APC2: variants seen among roughly 807,000 people sequenced by gnomAD.
APC2 encodes the protein adenomatous polyposis coli protein 2.
APC2 carries 41 observed loss-of-function variants against 72.5 expected under a neutral mutation model. The observed-to-expected ratio is 0.57, with a 90% CI of 0.44 to 0.73. The LOEUF is 0.73. APC2 is among the 30% of genes least tolerant of loss of function. The pLI, the probability that APC2 is intolerant of heterozygous loss-of-function variation, is 0.00. For synonymous variants in APC2, 1,898 were observed against 1,612.0 expected, an observed-to-expected ratio of 1.18 and a Z score of -4.25; for missense variants, 3,729 against 3,403.4, an observed-to-expected ratio of 1.10 and a Z score of -2.38.
intron 4 of APC2, 153 bp downstream of exon 4, chr19:1,453,764 G>A (rs997547508): frequency 7.3e-6 from 8 of 1,103,024 alleles, no homozygotes; most frequent in Admixed American, 5.0e-5. Flanking sequence ...GAACAACCCC[G>A]CCCACCTCGG....
chr19:1,466,682 G>T lies in APC2; in HGVS notation c.3381G>T (p.Pro1127=). 1 of 1,509,878 alleles carries T rather than the reference G, an allele frequency of 6.6e-7. No individual in the cohort carries two copies. Among genetic ancestry groups the T allele is most frequent in the African/African-American group, 1.4e-5 (1 of 72,818 alleles). 93.5% of individuals were successfully genotyped at this position (1,509,878 alleles called of 1,614,324 possible). Residue 1127 remains proline, a synonymous_variant, in exon 15 of 15, where the codon CCG becomes CCT. Coordinates refer to ENST00000590469, the MANE Select transcript of APC2 (RefSeq NM_005883.3). ...CCACCTCGCTGCCCGTAGCCATTCC[G>T]GCTCCCCGGCGTAACCGAGGCCGGG... ...PGATSLPVAI[P]APRRNRGRGL...
rs1198333714 is a variant in APC2 at position 1,465,776 on chromosome 19, C to A, written c.2475C>A (p.Gly825=). ...ALARTPPTRR[G]GKEAEKDTSG... is the part of the protein sequence containing the mutation. ...CTCGCACCCCGCCCACCCGCCGAGG[C>A]GGCAAGGAGGCAGAGAAGGACACCA... is the stretch of plus-strand genomic sequence containing the variant. The change falls in exon 15 of 15, where the codon GGC becomes GGA. Residue 825 remains glycine (G), a synonymous_variant. Transcript: ENST00000590469. 3 of 1,566,674 alleles carry A rather than the reference C, an allele frequency of 1.9e-6. No individual in the cohort carries two copies. The highest frequency in any genetic ancestry group is 2.6e-6 in the Non-Finnish European group (3 of 1,158,118).
chr19:1,469,255 C>G lies in APC2; in HGVS notation c.5954C>G (p.Ser1985Cys), dbSNP rs552073583. 7.0e-7 allele frequency: 1 copy of G among 1,427,666 alleles called. No homozygotes were observed. Among genetic ancestry groups the G allele is most frequent in the South Asian group, 1.3e-5 (1 of 77,366 alleles). The allele number at this position is 1,427,666 out of a possible 1,614,324, so 88.4% of individuals were successfully genotyped here. The change falls in exon 15 of 15, where the codon TCC becomes TGC. Residue 1985 changes from serine (S) to cysteine (C), a missense_variant. Physicochemically the swap from Ser to Cys is moderately radical, Grantham distance 112. Coordinates refer to ENST00000590469, the MANE Select transcript of APC2 (RefSeq NM_005883.3). ...TCAGCCCTCTCCAGCGGCAGCGAGTCCTCCGACCGCTCGGGCTTCCGGCGA... is the reference window on the plus strand; with the variant it reads ...TCAGCCCTCTCCAGCGGCAGCGAGTGCTCCGACCGCTCGGGCTTCCGGCGA... ...VASALSSGSE[S>C]SDRSGFRRQL...
chr19:1,457,898 G>GGGGGGGGGGGGGGA (rs1555675929), intron 9 of APC2, 67 bp from the exon 10 acceptor site: 2 of 1,432,504 alleles, frequency 1.4e-6, no homozygotes, highest in African/African-American at 3.2e-5. Context: ...CGGGTTGCGG[G>GGGGGGGGGGGGGGA]ACCTTCGGGA....
At chr19:1,458,107 AGGT>A in intron 10 of APC2, 47 bp downstream of exon 10, 2 of 1,511,136 alleles carry the variant, frequency 1.3e-6, no homozygotes, top group Non-Finnish European at 1.8e-6. Context: ...GCCCCCGAAC[AGGT>A]GGTGGCTCCT....
chr19:1,454,849 G>A (rs938417879), intron 4 of APC2, among the ~76,000 whole-genome samples: 2 of 152,106 alleles, frequency 1.3e-5, no homozygotes, highest in Non-Finnish European at 2.9e-5. Flanking sequence ...TTACAGGCGT[G>A]AGCCACCGCG....
Position 1,468,986 on chromosome 19 carries a change from G to A in APC2, c.5685G>A (p.Gln1895=), listed in dbSNP as rs1159428661. The A allele has an allele frequency of 1.3e-6, 2 of 1,559,702 alleles. No homozygotes were observed. ...PLPRKRPPVT[Q]AAGALPGPGA... The stretch of plus-strand genomic sequence containing the variant: ...CCAGAAAGCGCCCCCCGGTCACCCA[G>A]GCTGCTGGGGCCCTGCCCGGCCCCG... Residue 1895 remains glutamine, a synonymous_variant, in exon 15 of 15, where the codon CAG becomes CAA. Coordinates refer to ENST00000590469, the MANE Select transcript of APC2 (RefSeq NM_005883.3).
rs773907425 is a variant in APC2 at position 1,466,181 on chromosome 19, G to T, written c.2880G>T (p.Gly960=). Residue 960 remains glycine (G), a synonymous_variant, in exon 15 of 15, where the codon GGG becomes GGT. Transcript: ENST00000590469. ...LASRREDPRC[G]QPRPSRLDLD... The stretch of plus-strand genomic sequence containing the variant: ...CGCGCCGCGAGGACCCCAGGTGTGG[G>T]CAGCCTCGGCCCAGCCGGCTTGACC... 1.7e-5 allele frequency: 26 copies of T among 1,561,516 alleles called. No individual in the cohort carries two copies. Among genetic ancestry groups the T allele is most frequent in the Non-Finnish European group, 2.0e-5 (23 of 1,164,466 alleles).
Position 1,465,321 on chromosome 19 carries a change from A to G in APC2, c.2020A>G (p.Asn674Asp). 2 of 1,595,122 alleles carry G rather than the reference A, an allele frequency of 1.3e-6. No homozygotes were observed. The highest frequency in any genetic ancestry group is 1.7e-6 in the Non-Finnish European group (2 of 1,176,364). ...CCTGGGCGCCGTGGGCATGCTGCGT[A>G]ATCTGGTGCACTCCAAGCACAAGAT... The part of the protein sequence containing the change: ...WDLGAVGMLR[N>D]LVHSKHKMIA... The change falls in exon 15 of 15, where the codon AAT (asparagine) becomes GAT (aspartate). Residue 674 changes from asparagine (N) to aspartate (D), a missense_variant. By Grantham distance (23) the Asn-to-Asp change is conservative. Transcript: ENST00000590469.
At position 1,472,092 on chromosome 19, in the gene APC2, C is replaced by CG. The variant is rs529177770; in HGVS notation, c.*1883dup. 3.4e-3 allele frequency: 516 copies of CG among 152,432 alleles called. 1 individual carries two copies. The highest frequency in any genetic ancestry group is 5.5e-3 in the Non-Finnish European group (375 of 68,178). 9.4% of individuals were successfully genotyped at this position (152,432 alleles called of 1,614,324 possible). A position where few individuals can be genotyped will look rare whatever the true frequency, so the allele number is the denominator to read the frequency against. ...GGGTCATGGATGGCTGAGCAGAGAG[C>CG]GGGGAAAATGCAGGCTGAGTGGGGC... On this transcript the variant is annotated 3_prime_UTR_variant, in exon 15 of 15. Transcript: ENST00000590469.
rs750136169 is a variant in APC2, at chr19:1,468,549, C to G, written c.5248C>G (p.Arg1750Gly). 46 of 1,597,912 alleles carry G rather than the reference C, an allele frequency of 2.9e-5. No homozygotes were observed. In the Admixed American group the frequency reaches 7.4e-4, roughly 26 times the overall value. ...QAEGEMGSAR[R>G]PEKRGAASVK... is the part of the protein sequence containing the mutation. ...GGAGGGAGAAATGGGCAGTGCCCGG[C>G]GGCCAGAGAAAAGGGGCGCAGCCTC... Residue 1750 changes from arginine to glycine, a missense_variant, in exon 15 of 15, where the codon CGG becomes GGG. Arg to Gly is a moderately radical substitution (Grantham distance 125, BLOSUM62 -2). Transcript: ENST00000590469.
Position 1,468,924 on chromosome 19 carries a change from A to G in APC2, c.5623A>G (p.Ser1875Gly), listed in dbSNP as rs2084079147. The change falls in exon 15 of 15, where the codon AGC becomes GGC. Residue 1875 changes from serine (S) to glycine (G), a missense_variant. Transcript: ENST00000590469. ...CCGCCTCGCCAAGACCCCCTCCTCC[A>G]GCTCCTCCCAGACCTCGCCCGCCTC... ...PARLAKTPSS[S>G]SSQTSPASQP... The G allele has an allele frequency of 6.6e-7, 1 of 1,514,794 alleles. No individual in the cohort carries two copies. The highest frequency in any genetic ancestry group is 2.5e-5 in the East Asian group (1 of 39,782). 93.8% of individuals were successfully genotyped at this position (1,514,794 alleles called of 1,614,324 possible).
Position 1,467,672 on chromosome 19 carries a change from C to A in APC2, c.4371C>A (p.Gly1457=). 2 of 1,479,212 alleles carry A rather than the reference C, an allele frequency of 1.4e-6. No individual in the cohort carries two copies. Among genetic ancestry groups the A allele is most frequent in the South Asian group, 2.6e-5 (2 of 75,996 alleles). 91.6% of individuals were successfully genotyped at this position (1,479,212 alleles called of 1,614,324 possible). The change falls in exon 15 of 15, where the codon GGC becomes GGA. Residue 1457 remains glycine (G), a synonymous_variant. Transcript: ENST00000590469. ...GCCGCAGCGCGGAGCAGTCTCGGGGCGCGGGCAAGAACAGAGCAGGGCTGG... is the reference window on the plus strand; with the variant it reads ...GCCGCAGCGCGGAGCAGTCTCGGGGAGCGGGCAAGAACAGAGCAGGGCTGG... The part of the protein sequence containing the change: ...GAGRSAEQSR[G]AGKNRAGLEL...
rs767968941 is a variant in APC2, at chr19:1,468,601, C to T, written c.5300C>T (p.Ser1767Phe). Residue 1767 changes from serine to phenylalanine, a missense_variant, in exon 15 of 15, where the codon TCC (serine) becomes TTC (phenylalanine). Transcript: ENST00000590469. ...ASVKTSGSPR[S>F]PAGPEKPRGT... ...GTCAAGACCAGCGGGAGCCCCCGTT[C>T]CCCTGCAGGCCCCGAGAAGCCACGT... The T allele has an allele frequency of 6.2e-7, 1 of 1,600,666 alleles. No homozygotes were observed. Among genetic ancestry groups the T allele is most frequent in the South Asian group, 1.1e-5 (1 of 90,042 alleles).
chr19:1,470,072 C>T lies in APC2; in HGVS notation c.6771C>T (p.Pro2257=). ...EGLGVAVGGF[P]ASRHGSPSRS... ...TGGGGGTCGCCGTGGGGGGCTTCCC[C>T]GCCAGCCGGCACGGCTCCCCCAGCC... The change falls in exon 15 of 15, where the codon CCC becomes CCT. Residue 2257 remains proline (P), a synonymous_variant. Coordinates refer to ENST00000590469, the MANE Select transcript of APC2 (RefSeq NM_005883.3). 4.4e-6 allele frequency: 7 copies of T among 1,597,674 alleles called. No homozygotes were observed. Among genetic ancestry groups the T allele is most frequent in the Non-Finnish European group, 6.0e-6 (7 of 1,175,510 alleles).
Position 1,468,983 on chromosome 19 carries a change from C to T in APC2, c.5682C>T (p.Thr1894=), listed in dbSNP as rs746703568. The T allele has an allele frequency of 1.2e-5, 18 of 1,561,430 alleles. No individual in the cohort carries two copies. In the Admixed American group the frequency reaches 2.9e-4, roughly 25 times the overall value. Residue 1894 remains threonine (T), a synonymous_variant, in exon 15 of 15, where the codon ACC becomes ACT. Coordinates refer to ENST00000590469, the MANE Select transcript of APC2 (RefSeq NM_005883.3). The part of the protein sequence containing the change: ...QPLPRKRPPV[T]QAAGALPGPG... Reference sequence around the variant, plus strand: ...TGCCCAGAAAGCGCCCCCCGGTCACCCAGGCTGCTGGGGCCCTGCCCGGCC... The same window carrying T: ...TGCCCAGAAAGCGCCCCCCGGTCACTCAGGCTGCTGGGGCCCTGCCCGGCC...
rs1031533476 is a variant in APC2 at position 1,468,738 on chromosome 19, G to A, written c.5437G>A (p.Ala1813Thr). Residue 1813 changes from alanine to threonine, a missense_variant, in exon 15 of 15, where the codon GCC becomes ACC. Ala to Thr is a moderately conservative substitution (Grantham distance 58). Coordinates refer to ENST00000590469, the MANE Select transcript of APC2 (RefSeq NM_005883.3). ...AQPKGTPGPRATPRKVAPPCL... is the reference protein window; with the variant it reads ...AQPKGTPGPRTTPRKVAPPCL... ...GCCCAAAGGGACCCCCGGCCCCCGC[G>A]CCACACCGCGGAAGGTGGCGCCCCC... 3 of 1,500,206 alleles carry A rather than the reference G, an allele frequency of 2.0e-6. No homozygotes were observed. The highest frequency in any genetic ancestry group is 1.8e-6 in the Non-Finnish European group (2 of 1,121,808). The allele number at this position is 1,500,206 out of a possible 1,614,324, so 92.9% of individuals were successfully genotyped here.
intron 4 of APC2, among the ~76,000 whole-genome samples, chr19:1,454,824 C>G (rs986421028): frequency 5.3e-5 from 8 of 152,172 alleles, no homozygotes; most frequent in African/African-American, 1.9e-4. Flanking sequence ...GCCTCAGCCT[C>G]TCAAAGTGCT....
Position 1,470,115 on chromosome 19 carries a change from C to T in APC2, c.6814C>T (p.Pro2272Ser). The change falls in exon 15 of 15, where the codon CCC becomes TCC. Residue 2272 changes from proline (P) to serine (S), a missense_variant. Pro to Ser is a moderately conservative substitution (Grantham distance 74, BLOSUM62 -1). Transcript: ENST00000590469. ...GSPSRSARVP[P>S]FNYVPSPMVV... ...CCCCAGCCGCTCGGCCCGAGTACCCCCCTTCAACTATGTGCCCAGCCCCAT... is the reference window on the plus strand; with the variant it reads ...CCCCAGCCGCTCGGCCCGAGTACCCTCCTTCAACTATGTGCCCAGCCCCAT... The T allele has an allele frequency of 6.2e-7, 1 of 1,606,820 alleles. No homozygotes were observed. Among genetic ancestry groups the T allele is most frequent in the Non-Finnish European group, 8.5e-7 (1 of 1,178,060 alleles).
Sources: allele counts gnomAD v4.1 joint callset (sites outside exome capture counted in the v4.1 genomes callset), GRCh38; gene constraint gnomAD v4.1.1; transcripts MANE v1.5; gene names NCBI Gene and HGNC (gene_info 2026-07-23, HGNC 2026-07-21).